Variants in NCOA5 observed in about 807,000 individuals in gnomAD.
NCOA5 encodes the protein NCoA-5.
In NCOA5, 12 loss-of-function variants were observed where a neutral mutation model predicts 59.0. The observed-to-expected ratio is 0.20, with a 90% CI of 0.13 to 0.33. The LOEUF is 0.33. Ranked by LOEUF, NCOA5 falls within the 10% of genes least tolerant of loss-of-function variation. The pLI, the probability that NCOA5 is intolerant of heterozygous loss-of-function variation, is 1.00. For synonymous variants in NCOA5, 270 were observed against 275.5 expected (o/e 0.98, Z 0.20); for missense variants, 655 against 766.6 (o/e 0.85, Z 1.72).
At position 46,070,326 on chromosome 20, in the gene NCOA5, G is replaced by A. The variant is rs61754974; in HGVS notation, c.249C>T (p.Asp83=). The A allele has an allele frequency of 8.7e-6, 14 of 1,613,360 alleles. No individual in the cohort carries two copies. The highest frequency in any genetic ancestry group is 6.7e-5 in the East Asian group (3 of 44,838). ...RDSRSVRDVR[D]VRDLRDFRDL... is the part of the protein sequence containing the mutation. ...CACGAAAGTCTCTAAGATCCCTCACGTCCCGAACGTCGCGCACACTCCTGC... is the reference window on the plus strand; with the variant it reads ...CACGAAAGTCTCTAAGATCCCTCACATCCCGAACGTCGCGCACACTCCTGC... The change falls in exon 3 of 8, where the codon GAC becomes GAT. Residue 83 remains aspartate, a synonymous_variant. Transcript: ENST00000290231.
At chr20:46,071,502 G>C (rs2084882733) in intron 2 of NCOA5, among the ~76,000 whole-genome samples, 1 of 152,012 alleles carries the variant, frequency 6.6e-6, no homozygotes, top group South Asian at 2.1e-4. Context: ...GACACCAACA[G>C]GTTTCCAAAA....
chr20:46,063,739 C>T, intron 6 of NCOA5, 59 bp from the exon 7 acceptor site: 1 of 1,502,396 alleles, frequency 6.7e-7, no homozygotes, highest in Non-Finnish European at 9.1e-7. Flanking sequence ...TGCCCACCTG[C>T]TGCACTCTGT....
chr20:46,070,286 TAG>T lies in NCOA5; in HGVS notation c.287_288del (p.Ser96Ter). ...GGGTCTCGCTGATCTCGAAAATCCCTAGAGTCTCTTAGATCACGAAAGTCTCT... is the reference window on the plus strand; with the variant it reads ...GGGTCTCGCTGATCTCGAAAATCCCTAGTCTCTTAGATCACGAAAGTCTCT... Reference protein sequence around the residue: ...DLRDFRDLRDSRDFRDQRDPM... With the variant: ...DLRDFRDLRDXRDFRDQRDPM... On this transcript the variant is annotated frameshift_variant, in exon 3 of 8. Coordinates refer to ENST00000290231, the MANE Select transcript of NCOA5 (RefSeq NM_020967.3). LOFTEE classifies it high-confidence loss of function. 1 of 1,614,110 alleles carries T rather than the reference TAG, an allele frequency of 6.2e-7. No individual in the cohort carries two copies. The highest frequency in any genetic ancestry group is 8.5e-7 in the Non-Finnish European group (1 of 1,180,028).
chr20:46,082,885 A>G (rs897962936), intron 1 of NCOA5, among the ~76,000 whole-genome samples: 5 of 152,196 alleles, frequency 3.3e-5, no homozygotes, highest in African/African-American at 9.7e-5. Flanking sequence ...AAAATATACA[A>G]TATCTAATCC....
chr20:46,084,329 T>C (rs2085024505), intron 1 of NCOA5, among the ~76,000 whole-genome samples: 1 of 152,042 alleles, frequency 6.6e-6, no homozygotes, highest in South Asian at 2.1e-4. Context: ...TCCAACGGAG[T>C]GGAAAGACAT....
chr20:46,089,617 T>G (rs1327421607), intron 1 of NCOA5, among the ~76,000 whole-genome samples, 200 bp downstream of exon 1: 2 of 151,536 alleles, frequency 1.3e-5, no homozygotes, highest in African/African-American at 4.8e-5. Flanking sequence ...CGGCCGGGCC[T>G]GGGCCTGACG....
At chr20:46,064,956 C>G in intron 6 of NCOA5, 73 bp downstream of exon 6, 1 of 1,522,592 alleles carries the variant, frequency 6.6e-7, no homozygotes, top group Admixed American at 1.7e-5. Context: ...TTGCCCAAAA[C>G]CTGCTTCTTC....
chr20:46,087,917 C>A (rs2085060600), intron 1 of NCOA5, among the ~76,000 whole-genome samples: 2 of 151,974 alleles, frequency 1.3e-5, no homozygotes, highest in African/African-American at 4.8e-5. Context: ...TGTGATCATA[C>A]CAAGGTAACC....
rs1379125107 is a variant in NCOA5, at chr20:46,062,448, G to A, written c.1592C>T (p.Thr531Ile). ...NMTSQRPVSS[T>I]GINFDNPSVQ... The stretch of plus-strand genomic sequence containing the variant: ...ACTTGGATTGTCAAAGTTGATACCT[G>A]TGGAAGACACAGGCCTCTGGCTAGT... Residue 531 changes from threonine to isoleucine, a missense_variant, in exon 8 of 8, where the codon ACA (threonine) becomes ATA (isoleucine). By Grantham distance (89) the Thr-to-Ile change is moderately conservative. Coordinates refer to ENST00000290231, the MANE Select transcript of NCOA5 (RefSeq NM_020967.3). 6.2e-7 allele frequency: 1 copy of A among 1,614,172 alleles called. No individual in the cohort carries two copies. Among genetic ancestry groups the A allele is most frequent in the South Asian group, 1.1e-5 (1 of 91,078 alleles).
chr20:46,078,478 T>C (rs1039948491), intron 2 of NCOA5, among the ~76,000 whole-genome samples: 6 of 152,206 alleles, frequency 3.9e-5, no homozygotes, highest in Non-Finnish European at 7.3e-5. Flanking sequence ...CTGTGGTACG[T>C]AGTTTAGTTA....
At chr20:46,063,807 A>T (rs1246638461) in intron 6 of NCOA5, 127 bp from the exon 7 acceptor site, 2 of 984,922 alleles carry the variant, frequency 2.0e-6, no homozygotes, top group Admixed American at 5.2e-5. Flanking sequence ...AAAAGCCTTG[A>T]GATTGAGAGT....
chr20:46,078,948 T>C (rs910560365), intron 2 of NCOA5, among the ~76,000 whole-genome samples: 1 of 152,032 alleles, frequency 6.6e-6, no homozygotes, highest in Non-Finnish European at 1.5e-5. Context: ...ACAGCGGCAA[T>C]CTCTCAAGCA....
intron 1 of NCOA5, among the ~76,000 whole-genome samples, chr20:46,087,958 G>GATAC: frequency 6.6e-6 from 1 of 151,972 alleles, no homozygotes; most frequent in South Asian, 2.1e-4. Flanking sequence ...CAGGGGGAGA[G>GATAC]ATACATACAC....
intron 2 of NCOA5, among the ~76,000 whole-genome samples, chr20:46,074,612 G>T (rs962681499): frequency 2.0e-5 from 3 of 152,176 alleles, no homozygotes; most frequent in Non-Finnish European, 4.4e-5. Flanking sequence ...ACACTGCTGG[G>T]AAACATTTGA....
chr20:46,066,885 C>T (rs1472878810), intron 5 of NCOA5, among the ~76,000 whole-genome samples, 170 bp downstream of exon 5: 1 of 152,176 alleles, frequency 6.6e-6, no homozygotes, highest in Admixed American at 6.5e-5. Context: ...TCCCTTTTGG[C>T]CTCAATTTGA....
chr20:46,064,853 G>A (rs948991431), intron 6 of NCOA5, among the ~76,000 whole-genome samples, 176 bp downstream of exon 6: 2 of 152,200 alleles, frequency 1.3e-5, no homozygotes, highest in African/African-American at 2.4e-5. Context: ...GATCCACTAA[G>A]AAACTATCAG....
intron 3 of NCOA5, among the ~76,000 whole-genome samples, chr20:46,069,518 T>C (rs1302522789): frequency 1.3e-5 from 2 of 152,148 alleles, no homozygotes; most frequent in Non-Finnish European, 2.9e-5. Context: ...GGAGGATACC[T>C]TGAGCTCAGG....
chr20:46,068,102 TG>T (rs1280021879), intron 4 of NCOA5, among the ~76,000 whole-genome samples: 1 of 152,128 alleles, frequency 6.6e-6, no homozygotes, highest in Non-Finnish European at 1.5e-5. Context: ...AGACAATTTT[TG>T]TATTTTTTTT....
intron 1 of NCOA5, among the ~76,000 whole-genome samples, chr20:46,082,765 C>A (rs2085004608): frequency 6.6e-6 from 1 of 151,968 alleles, no homozygotes; most frequent in Non-Finnish European, 1.5e-5. Flanking sequence ...AATTTTTAGA[C>A]AAGAAAAAGA....
Sources: gnomAD v4.1 joint callset for allele counts (sites outside exome capture counted in the v4.1 genomes callset) on GRCh38, gnomAD v4.1.1 for gene constraint, MANE v1.5 for transcripts, NCBI Gene and HGNC (gene_info 2026-07-23, HGNC 2026-07-21) for gene names.